Variants in SLC6A5 observed in about 807,000 individuals in gnomAD.
SLC6A5 encodes sodium- and chloride-dependent glycine transporter 2.
SLC6A5 carries 58 observed loss-of-function variants against 90.5 expected under a neutral mutation model. The ratio of observed to expected loss-of-function variants is 0.64; its 90% CI spans 0.52 to 0.80. SLC6A5 has a LOEUF of 0.80. Ranked by LOEUF, SLC6A5 falls within the 30% of genes least tolerant of loss-of-function variation. The pLI, the probability that SLC6A5 is intolerant of heterozygous loss-of-function variation, is 0.00. For synonymous variants in SLC6A5, 427 were observed against 401.4 expected, an observed-to-expected ratio of 1.06 and a Z score of -0.76; for missense variants, 1,015 against 1,017.6, an observed-to-expected ratio of 1.00 and a Z score of 0.03.
At chr11:20,641,623 A>G (rs1003121797) in intron 13 of SLC6A5, among the ~76,000 whole-genome samples, 12 of 152,154 alleles carry the variant, frequency 7.9e-5, no homozygotes, top group Non-Finnish European at 1.8e-4. Context: ...CTGAAATGTC[A>G]TGGTATACAC....
chr11:20,621,083 G>A (rs986689771), intron 7 of SLC6A5, among the ~76,000 whole-genome samples: 13 of 152,278 alleles, frequency 8.5e-5, no homozygotes, highest in African/African-American at 3.1e-4. Context: ...GATTACAGGT[G>A]TGAGTTATCG....
At chr11:20,609,585 A>G (rs907183787) in intron 5 of SLC6A5, among the ~76,000 whole-genome samples, 1 of 152,008 alleles carries the variant, frequency 6.6e-6, no homozygotes, top group Non-Finnish European at 1.5e-5. Flanking sequence ...AGATGGATAA[A>G]CTCTTTCCCC....
In SLC6A5 at chr11:20,601,298, G is replaced by T; in HGVS notation, c.173G>T (p.Gly58Val). Reference sequence around the variant, plus strand: ...CGTGTGCCCAGGTCCGCTTCCACCGGCGCCCAAACTTTCCAGTCAGCGGAC... The same window carrying T: ...CGTGTGCCCAGGTCCGCTTCCACCGTCGCCCAAACTTTCCAGTCAGCGGAC... ...PPRVPRSAST[G>V]AQTFQSADAR... The change falls in exon 2 of 16, where the codon GGC becomes GTC. Residue 58 changes from glycine to valine, a missense_variant. Transcript: ENST00000525748. 6.3e-7 allele frequency: 1 copy of T among 1,590,858 alleles called. No homozygotes were observed.
intron 1 of SLC6A5, among the ~76,000 whole-genome samples, chr11:20,600,052 T>C (rs1852428817): frequency 6.6e-6 from 1 of 151,996 alleles, no homozygotes; most frequent in South Asian, 2.1e-4. Context: ...CTATTCTGCG[T>C]GTTTGTGAAA....
In SLC6A5 at chr11:20,618,656, G is replaced by A. The variant is rs190212117; in HGVS notation, c.1260+772G>A. ...GCAGCCTTAGAAAAACCTACTGAAGGTTGGGTGCAGTGGCTCAGGCCTGTA... is the reference window on the plus strand; with the variant it reads ...GCAGCCTTAGAAAAACCTACTGAAGATTGGGTGCAGTGGCTCAGGCCTGTA... On this transcript the variant is annotated intron_variant, in intron 7 of 15. Transcript: ENST00000525748. 1.6e-4 allele frequency among the ~76,000 whole-genome samples: 24 copies of A among 152,220 alleles called. No homozygotes were observed. In the East Asian group the frequency reaches 4.6e-3, roughly 29 times the overall value.
In SLC6A5 at chr11:20,637,296, T is replaced by C; in HGVS notation, c.1862T>C (p.Ile621Thr). The stretch of plus-strand genomic sequence containing the variant: ...TTCTTCATCATGGGTTTTCCAATGA[T>C]CACTCAGGTAAGCTGCCTCCTAGGC... ...ICFFIMGFPM[I>T]TQGGIYMFQL... Residue 621 changes from isoleucine (I) to threonine (T), a missense_variant, in exon 12 of 16, where the codon ATC (isoleucine) becomes ACC (threonine). By Grantham distance (89) the Ile-to-Thr change is moderately conservative (BLOSUM62 -1). Around this residue, in one of 3 missense-constraint regions of SLC6A5, gnomAD observed 442 missense variants for 494.3 expected, o/e 0.89. Transcript: ENST00000525748. 6.2e-7 allele frequency: 1 copy of C among 1,610,038 alleles called. No individual in the cohort carries two copies. Among genetic ancestry groups the C allele is most frequent in the Non-Finnish European group, 8.5e-7 (1 of 1,177,660 alleles).
intron 6 of SLC6A5, 21 bp downstream of exon 6, chr11:20,614,841 C>T: frequency 6.3e-7 from 1 of 1,598,510 alleles, no homozygotes; most frequent in Non-Finnish European, 8.6e-7. Flanking sequence ...TTTCTTTTTC[C>T]TTTTTTACCT....
intron 14 of SLC6A5, among the ~76,000 whole-genome samples, chr11:20,648,200 G>A (rs768376543): frequency 2.0e-5 from 3 of 152,176 alleles, no homozygotes; most frequent in Non-Finnish European, 2.9e-5. Context: ...TAAGGCCTTT[G>A]TTTTGCTATT....
At chr11:20,638,641 A>G in intron 13 of SLC6A5, 83 bp downstream of exon 13, 1 of 841,764 alleles carries the variant, frequency 1.2e-6, no homozygotes, top group East Asian at 2.5e-5. Context: ...CCCATACTTA[A>G]TAAGACAATA....
In SLC6A5 at chr11:20,637,199, T is replaced by G; in HGVS notation, c.1765T>G (p.Ser589Ala). The G allele has an allele frequency of 4.3e-6, 7 of 1,613,910 alleles. No homozygotes were observed. The highest frequency in any genetic ancestry group is 5.9e-6 in the Non-Finnish European group (7 of 1,179,882). ...MFATIETIVT[S>A]ISDEFPKYLR... ...TGCCACCATCGAGACCATAGTGACC[T>G]CCATCTCAGACGAGTTTCCCAAGTA... is the stretch of plus-strand genomic sequence containing the variant. The change falls in exon 12 of 16, where the codon TCC (serine) becomes GCC (alanine). Residue 589 changes from serine to alanine, a missense_variant. Ser to Ala is a moderately conservative substitution (Grantham distance 99). Transcript: ENST00000525748.
At chr11:20,646,527 G>A (rs1378871474) in intron 13 of SLC6A5, among the ~76,000 whole-genome samples, 1 of 152,172 alleles carries the variant, frequency 6.6e-6, no homozygotes, top group Non-Finnish European at 1.5e-5. Context: ...GAGATGTCAG[G>A]TTGTAGCAAT....
At chr11:20,628,637 A>G (rs1221106800) in intron 9 of SLC6A5, among the ~76,000 whole-genome samples, 1 of 152,216 alleles carries the variant, frequency 6.6e-6, no homozygotes, top group African/African-American at 2.4e-5. Context: ...TGGTAGGAAG[A>G]CACAATTCAG....
At position 20,627,858 on chromosome 11, in the gene SLC6A5, G is replaced by A. The variant is rs3819252; in HGVS notation, c.1396-122G>A. On this transcript the variant is annotated intron_variant, in intron 8 of 15. Transcript: ENST00000525748. ...TTATGTTCTCATTGATGTTGATGTC[G>A]GGGGTCATCTTGTCCCTGATGTTTC... The A allele has an allele frequency of 0.34, 250,003 of 739,806 alleles. 43,499 individuals are homozygous for A. The highest frequency in any genetic ancestry group is 0.39 in the Middle Eastern group (1,090 of 2,784). 45.8% of individuals were successfully genotyped at this position (739,806 alleles called of 1,614,324 possible).
At chr11:20,636,047 T>C (rs1029867718) in intron 10 of SLC6A5, among the ~76,000 whole-genome samples, 7 of 152,220 alleles carry the variant, frequency 4.6e-5, no homozygotes, top group African/African-American at 1.4e-4. Flanking sequence ...GAGTTGCCTC[T>C]GAGTCTCTGC....
At chr11:20,608,796 C>A in intron 5 of SLC6A5, among the ~76,000 whole-genome samples, 1 of 152,116 alleles carries the variant, frequency 6.6e-6, no homozygotes, top group Non-Finnish European at 1.5e-5. Flanking sequence ...CACTATTTAA[C>A]CCTTCAAGTA....
At chr11:20,619,103 G>A (rs1852841607) in intron 7 of SLC6A5, among the ~76,000 whole-genome samples, 1 of 152,208 alleles carries the variant, frequency 6.6e-6, no homozygotes, top group Non-Finnish European at 1.5e-5. Context: ...CAAGGAATGA[G>A]GATGTAATGG....
chr11:20,618,945 GACACACACACACACAC>G (rs68111718), intron 7 of SLC6A5, among the ~76,000 whole-genome samples: 12 of 148,692 alleles, frequency 8.1e-5, no homozygotes, highest in Non-Finnish European at 1.2e-4. Flanking sequence ...TGTCCCGCCC[GACACACACACACACAC>G]ACACACACAC....
In SLC6A5 at chr11:20,657,644, T is replaced by C. The variant is rs1359878765; in HGVS notation, c.*2776T>C. The C allele has an allele frequency of 1.3e-5, 2 of 152,000 alleles. No individual in the cohort carries two copies. Among genetic ancestry groups the C allele is most frequent in the Admixed American group, 6.6e-5 (1 of 15,244 alleles). The allele number at this position is 152,000 out of a possible 1,614,324, so 9.4% of individuals were successfully genotyped here. ...CTTCAAAGTGGGGGAAAAAACCGAGTAGCTGAGGAAAGACTTTCATTGGTT... is the reference window on the plus strand; with the variant it reads ...CTTCAAAGTGGGGGAAAAAACCGAGCAGCTGAGGAAAGACTTTCATTGGTT... On this transcript the variant is annotated 3_prime_UTR_variant, in exon 16 of 16. Coordinates refer to ENST00000525748, the MANE Select transcript of SLC6A5 (RefSeq NM_004211.5).
intron 15 of SLC6A5, among the ~76,000 whole-genome samples, chr11:20,653,614 A>G (rs1375793716): frequency 1.3e-5 from 2 of 152,236 alleles, no homozygotes; most frequent in East Asian, 3.8e-4. Context: ...GACTAACGGT[A>G]GAGACAGAAT....
Sources: allele counts gnomAD v4.1 joint callset (sites outside exome capture counted in the v4.1 genomes callset), GRCh38; gene constraint gnomAD v4.1.1; regional missense constraint gnomAD v4.1.1; transcripts MANE v1.5; gene names NCBI Gene and HGNC (gene_info 2026-07-23, HGNC 2026-07-21).